Variants in CELF4 observed in about 807,000 individuals in gnomAD.
CELF4 encodes CUG-BP- and ETR-3-like factor 4.
CELF4 carries 18 observed loss-of-function variants against 59.9 expected under a neutral mutation model. The ratio of observed to expected loss-of-function variants is 0.30; its 90% CI spans 0.21 to 0.45. The LOEUF (loss-of-function observed/expected upper bound fraction) is 0.45. Among genes scored for constraint, CELF4 ranks in the 20% least tolerant of loss-of-function variants. The pLI is 1.00. For missense variants in CELF4, 456 were observed against 689.0 expected (o/e 0.66, Z 3.79); for synonymous variants, 261 against 267.1 (o/e 0.98, Z 0.22).
chr18:37,379,008 G>C (rs1199131793), intron 2 of CELF4, among the ~76,000 whole-genome samples: 26 of 152,188 alleles, frequency 1.7e-4, no homozygotes, highest in Admixed American at 1.7e-3. Flanking sequence ...TGGTCTTCCT[G>C]TCTGTGTCTG....
At chr18:37,286,792 C>T (rs1183316248) in intron 3 of CELF4, among the ~76,000 whole-genome samples, 1 of 152,132 alleles carries the variant, frequency 6.6e-6, no homozygotes, top group Admixed American at 6.5e-5. Context: ...TGCCGAGAAC[C>T]TCTAGCGACC....
At chr18:37,430,919 C>G (rs1026784846) in intron 2 of CELF4, among the ~76,000 whole-genome samples, 1 of 152,202 alleles carries the variant, frequency 6.6e-6, no homozygotes, top group Non-Finnish European at 1.5e-5. Flanking sequence ...GTAGGTGTCT[C>G]TGGGTAAGGC....
At chr18:37,492,398 G>T (rs1007777199) in intron 1 of CELF4, among the ~76,000 whole-genome samples, 1 of 152,144 alleles carries the variant, frequency 6.6e-6, no homozygotes, top group Non-Finnish European at 1.5e-5. Context: ...AAACATGCAG[G>T]CCACTGCAGA....
At chr18:37,292,542 C>T (rs374270102) in intron 3 of CELF4, among the ~76,000 whole-genome samples, 27 of 152,214 alleles carry the variant, frequency 1.8e-4, no homozygotes, top group Middle Eastern at 3.4e-3. Flanking sequence ...TCCCTGACAC[C>T]GGAAGTGACG....
chr18:37,361,489 T>G (rs1407849975), intron 2 of CELF4, among the ~76,000 whole-genome samples: 1 of 152,148 alleles, frequency 6.6e-6, no homozygotes, highest in Non-Finnish European at 1.5e-5. Context: ...TTTAGACTTT[T>G]GTGTTAACGA....
chr18:37,340,166 C>T (rs538688964), intron 2 of CELF4, among the ~76,000 whole-genome samples: 90 of 152,346 alleles, frequency 5.9e-4, no homozygotes, highest in African/African-American at 2.2e-3. Flanking sequence ...CCTACCAACC[C>T]CAGCCTCAGG....
At chr18:37,292,979 C>T (rs2095430913) in intron 3 of CELF4, among the ~76,000 whole-genome samples, 1 of 152,190 alleles carries the variant, frequency 6.6e-6, no homozygotes, top group Non-Finnish European at 1.5e-5. Context: ...CTGTAACCCT[C>T]TCATAGGCAA....
chr18:37,525,017 T>A (rs1389463318), intron 1 of CELF4, among the ~76,000 whole-genome samples: 1 of 152,194 alleles, frequency 6.6e-6, no homozygotes, highest in African/African-American at 2.4e-5. Context: ...CCCTCCTCCC[T>A]TCTCCTTTGT....
intron 10 of CELF4, among the ~76,000 whole-genome samples, chr18:37,260,747 G>A (rs1044754499): frequency 6.6e-6 from 1 of 152,144 alleles, no homozygotes; most frequent in African/African-American, 2.4e-5. Flanking sequence ...CCACAGCCTA[G>A]AACAAAAATT....
At chr18:37,346,485 C>A (rs115077406) in intron 2 of CELF4, among the ~76,000 whole-genome samples, 1,831 of 152,250 alleles carry the variant, frequency 0.012, 44 homozygotes, top group African/African-American at 0.042. Flanking sequence ...GTTCAGCAAG[C>A]ACCTAGTACA....
chr18:37,485,499 C>T (rs1206997764), intron 2 of CELF4, 26 bp downstream of exon 2: 18 of 1,325,252 alleles, frequency 1.4e-5, no homozygotes, highest in Non-Finnish European at 1.7e-5. Flanking sequence ...GCGTCGGCCG[C>T]TTGCGCCACG....
intron 3 of CELF4, among the ~76,000 whole-genome samples, chr18:37,291,229 G>A (rs2095313626): frequency 1.3e-5 from 2 of 152,186 alleles, no homozygotes; most frequent in African/African-American, 4.8e-5. Flanking sequence ...ATGAACATGA[G>A]TCGGCATTTC....
At chr18:37,453,485 C>T (rs902083628) in intron 2 of CELF4, among the ~76,000 whole-genome samples, 1 of 152,208 alleles carries the variant, frequency 6.6e-6, no homozygotes, top group African/African-American at 2.4e-5. Context: ...CTGCCACAAA[C>T]CTTCACTGGG....
intron 1 of CELF4, among the ~76,000 whole-genome samples, chr18:37,493,629 T>A (rs956018638): frequency 6.6e-6 from 1 of 150,910 alleles, no homozygotes; most frequent in Non-Finnish European, 1.5e-5. Flanking sequence ...GAGCCATACG[T>A]CTTCCTCAGA....
At chr18:37,482,196 G>A (rs935140959) in intron 2 of CELF4, among the ~76,000 whole-genome samples, 1 of 152,136 alleles carries the variant, frequency 6.6e-6, no homozygotes. Context: ...GTATTTTACA[G>A]AACGTCTGGC....
chr18:37,482,930 A>G (rs567424354), intron 2 of CELF4, among the ~76,000 whole-genome samples: 49 of 152,272 alleles, frequency 3.2e-4, no homozygotes, highest in Admixed American at 3.3e-4. Context: ...AAAAGTGCCT[A>G]AATTGCTGAG....
intron 1 of CELF4, among the ~76,000 whole-genome samples, chr18:37,551,919 C>T (rs2154605917): frequency 6.6e-6 from 1 of 152,310 alleles, no homozygotes; most frequent in Admixed American, 6.5e-5. Context: ...ATTCCTTTGT[C>T]CACCATTCTA....
At chr18:37,378,927 C>T (rs1264564142) in intron 2 of CELF4, among the ~76,000 whole-genome samples, 1 of 152,220 alleles carries the variant, frequency 6.6e-6, no homozygotes, top group Admixed American at 6.5e-5. Flanking sequence ...TGGTATCAAC[C>T]AGCCTTTTGT....
chr18:37,430,391 T>C (rs1363118018), intron 2 of CELF4, among the ~76,000 whole-genome samples: 2 of 152,226 alleles, frequency 1.3e-5, no homozygotes, highest in African/African-American at 4.8e-5. Context: ...ACTGGAGACT[T>C]GGGGTCTGTG....
Sources: gnomAD v4.1 joint callset for allele counts (sites outside exome capture counted in the v4.1 genomes callset) on GRCh38, gnomAD v4.1.1 for gene constraint, MANE v1.5 for transcripts, NCBI Gene and HGNC (gene_info 2026-07-23, HGNC 2026-07-21) for gene names.